The following FAT4 variants were observed in gnomAD, a reference collection of about 807,000 sequenced individuals.
FAT4 encodes the protein FAT atypical cadherin 4, also known as protocadherin Fat 4.
Under a neutral mutation model 303.9 loss-of-function variants are expected in FAT4, and 84 were observed. That is an observed-to-expected ratio of 0.28 (90% CI 0.23 to 0.33). The LOEUF is 0.33. Ranked by LOEUF, FAT4 falls within the 10% of genes least tolerant of loss-of-function variation. The pLI is 1.00. For synonymous variants in FAT4, 2,307 were observed against 2,298.8 expected (o/e 1.00, Z -0.10); for missense variants, 6,005 against 6,146.8 (o/e 0.98, Z 0.77).
At chr4:125,474,834 C>T (rs1370861328) in intron 12 of FAT4, among the ~76,000 whole-genome samples, 1 of 151,896 alleles carries the variant, frequency 6.6e-6, no homozygotes, top group Non-Finnish European at 1.5e-5. Context: ...ATGAAAGTGG[C>T]CTGATTTTTT....
intron 14 of FAT4, among the ~76,000 whole-genome samples, chr4:125,478,994 T>C (rs1177516381): frequency 1.3e-5 from 2 of 152,082 alleles, no homozygotes; most frequent in African/African-American, 4.8e-5. Flanking sequence ...CTAACTATTC[T>C]TCTTCTTGTG....
chr4:125,453,013 G>A (rs996631821), intron 10 of FAT4, among the ~76,000 whole-genome samples: 9 of 152,160 alleles, frequency 5.9e-5, no homozygotes, highest in Non-Finnish European at 1.3e-4. Flanking sequence ...GAAAACTTAT[G>A]AGGTAGGAAT....
intron 10 of FAT4, among the ~76,000 whole-genome samples, chr4:125,460,499 TC>T (rs1404261885): frequency 6.6e-6 from 1 of 152,038 alleles, no homozygotes; most frequent in African/African-American, 2.4e-5. Flanking sequence ...TGTGTTCTCA[TC>T]ATTTAGCTCC....
At chr4:125,334,382 C>A (rs974474113) in intron 2 of FAT4, among the ~76,000 whole-genome samples, 6 of 152,062 alleles carry the variant, frequency 3.9e-5, no homozygotes, top group Admixed American at 2.6e-4. Flanking sequence ...GTCCCTAAAT[C>A]CCATTTGCAA....
At chr4:125,407,751 T>C (rs936171387) in intron 4 of FAT4, among the ~76,000 whole-genome samples, 2 of 152,152 alleles carry the variant, frequency 1.3e-5, no homozygotes, top group Non-Finnish European at 2.9e-5. Flanking sequence ...ATTGTGATTT[T>C]TTTTAGTCTG....
intron 2 of FAT4, among the ~76,000 whole-genome samples, chr4:125,358,773 C>T (rs895016071): frequency 1.3e-5 from 2 of 151,964 alleles, no homozygotes; most frequent in African/African-American, 2.4e-5. Context: ...GGTTGGGGAC[C>T]CCTTATCTAC....
chr4:125,449,461 T>C lies in FAT4; in HGVS notation c.8451T>C (p.Ser2817=). Reference sequence around the variant, plus strand: ...GTAGATATTCTATAATGGATGCAAGTCTTCCATTTACAATTAATCCCAGCA... The same window carrying C: ...GTAGATATTCTATAATGGATGCAAGCCTTCCATTTACAATTAATCCCAGCA... ...AISRYSIMDA[S]LPFTINPSTG... is the part of the protein sequence containing the mutation. Residue 2817 remains serine (S), a synonymous_variant, in exon 10 of 18, where the codon AGT becomes AGC. Coordinates refer to ENST00000394329, the MANE Select transcript of FAT4 (RefSeq NM_001291303.3). 1 of 1,613,802 alleles carries C rather than the reference T, an allele frequency of 6.2e-7. No homozygotes were observed. Among genetic ancestry groups the C allele is most frequent in the Non-Finnish European group, 8.5e-7 (1 of 1,179,790 alleles).
At chr4:125,445,876 T>A (rs530735328) in intron 8 of FAT4, among the ~76,000 whole-genome samples, 1 of 152,304 alleles carries the variant, frequency 6.6e-6, no homozygotes, top group South Asian at 2.1e-4. Flanking sequence ...TGATCTTCTC[T>A]GGTTTATTAT....
rs904591413 is a variant in FAT4 at position 125,315,146 on chromosome 4, G to A, written c.-844G>A. Among the ~76,000 whole-genome samples the A allele has an allele frequency of 4.6e-5, 7 of 151,972 alleles. No homozygotes were observed. The highest frequency in any genetic ancestry group is 1.0e-4 in the Non-Finnish European group (7 of 67,974). ...GAGAGTGTGAGGGACCAGGCGGGAGGTGGAGAAGGGCTCGCGGAGCCCTAG... is the reference window on the plus strand; with the variant it reads ...GAGAGTGTGAGGGACCAGGCGGGAGATGGAGAAGGGCTCGCGGAGCCCTAG... On this transcript the variant is annotated 5_prime_UTR_variant, in exon 1 of 18. The change creates a new upstream start codon in the 5' untranslated region. Coordinates refer to ENST00000394329, the MANE Select transcript of FAT4 (RefSeq NM_001291303.3).
intron 2 of FAT4, among the ~76,000 whole-genome samples, chr4:125,358,265 G>A (rs1015939068): frequency 2.0e-5 from 3 of 151,960 alleles, no homozygotes; most frequent in African/African-American, 4.8e-5. Context: ...ACCAGGGACC[G>A]GTTTCATGGA....
At chr4:125,426,659 G>C (rs1036151788) in intron 7 of FAT4, among the ~76,000 whole-genome samples, 1 of 151,894 alleles carries the variant, frequency 6.6e-6, no homozygotes, top group Non-Finnish European at 1.5e-5. Context: ...TAAAACTCCA[G>C]AAACATTTAA....
intron 2 of FAT4, among the ~76,000 whole-genome samples, chr4:125,325,666 T>C (rs143168649): frequency 3.9e-5 from 6 of 152,350 alleles, no homozygotes; most frequent in African/African-American, 1.4e-4. Flanking sequence ...CACAGGATAT[T>C]GAAAAGACAT....
chr4:125,454,569 C>G (rs1292985405), intron 10 of FAT4, among the ~76,000 whole-genome samples: 1 of 152,166 alleles, frequency 6.6e-6, no homozygotes, highest in African/African-American at 2.4e-5. Context: ...TGCAGTGGCT[C>G]ACGCCTGTAA....
Position 125,317,246 on chromosome 4 carries a change from G to C in FAT4, c.835G>C (p.Glu279Gln), listed in dbSNP as rs373298045. Residue 279 changes from glutamate (E) to glutamine (Q), a missense_variant, in exon 2 of 18, where the codon GAG becomes CAG. Glu to Gln is a conservative substitution (Grantham distance 29). Transcript: ENST00000394329. The surrounding 1 kb of genome is among the most constrained non-coding windows in gnomAD (Gnocchi z 7.0). ...CCAGGTGGCGGCGGCGGACGCGGAC[G>C]AGGGCACCAACGCGGACATCCGCTA... Reference protein sequence around the residue: ...VLQVAAADADEGTNADIRYRL... With the variant: ...VLQVAAADADQGTNADIRYRL... The C allele has an allele frequency of 3.8e-6, 6 of 1,579,816 alleles. No individual in the cohort carries two copies. The highest frequency in any genetic ancestry group is 1.7e-4 in the Middle Eastern group (1 of 5,886).
intron 4 of FAT4, among the ~76,000 whole-genome samples, chr4:125,407,743 T>G (rs994803107): frequency 3.9e-5 from 6 of 152,150 alleles, no homozygotes; most frequent in Non-Finnish European, 8.8e-5. Context: ...CATATTATAT[T>G]GTGATTTTTT....
chr4:125,418,925 G>A (rs2126031067), intron 7 of FAT4, among the ~76,000 whole-genome samples: 1 of 151,950 alleles, frequency 6.6e-6, no homozygotes, highest in East Asian at 1.9e-4. Flanking sequence ...TTTAAATGGA[G>A]CAAGTAGCAG....
chr4:125,462,098 A>G (rs1399668686), intron 10 of FAT4, among the ~76,000 whole-genome samples: 10 of 151,966 alleles, frequency 6.6e-5, no homozygotes, highest in Admixed American at 1.3e-4. Context: ...ATTTATTTAT[A>G]AGGGAAAAAA....
Position 125,415,501 on chromosome 4 carries a change from G to C in FAT4, c.6538G>C (p.Asp2180His). The C allele has an allele frequency of 6.2e-7, 1 of 1,614,130 alleles. No individual in the cohort carries two copies. The highest frequency in any genetic ancestry group is 8.5e-7 in the Non-Finnish European group (1 of 1,179,984). The change falls in exon 6 of 18, where the codon GAT becomes CAT. Residue 2180 changes from aspartate to histidine, a missense_variant. Asp to His is a moderately conservative substitution (Grantham distance 81). Coordinates refer to ENST00000394329, the MANE Select transcript of FAT4 (RefSeq NM_001291303.3). ...GTDIIQVFAA[D>H]GDEGTNGQVR... Reference sequence around the variant, plus strand: ...AGATATAATACAAGTGTTCGCAGCAGATGGAGATGAAGGCACAAATGGACA... The same window carrying C: ...AGATATAATACAAGTGTTCGCAGCACATGGAGATGAAGGCACAAATGGACA...
At chr4:125,488,613 G>T (rs1006179951) in intron 17 of FAT4, among the ~76,000 whole-genome samples, 14 of 152,186 alleles carry the variant, frequency 9.2e-5, no homozygotes, top group Non-Finnish European at 1.9e-4. Context: ...TCAAAGAAGG[G>T]TAGGTCAGCA....
Sources: allele counts gnomAD v4.1 joint callset (sites outside exome capture counted in the v4.1 genomes callset), GRCh38; gene constraint gnomAD v4.1.1; non-coding constraint Gnocchi (gnomAD v3.1); transcripts MANE v1.5; gene names NCBI Gene and HGNC (gene_info 2026-07-23, HGNC 2026-07-21).